The following DLX5 variants were observed in gnomAD, a reference collection of about 807,000 sequenced individuals.
DLX5 encodes homeobox protein DLX-5.
In DLX5, 8 loss-of-function variants were observed where a neutral mutation model predicts 27.1. That is an observed-to-expected ratio of 0.30 (90% CI 0.17 to 0.53). DLX5 has a LOEUF of 0.53. DLX5 is among the 20% of genes least tolerant of loss of function. The pLI is 0.95. For synonymous variants in DLX5, 178 were observed against 161.9 expected, an observed-to-expected ratio of 1.10 and a Z score of -0.75; for missense variants, 339 against 375.1, an observed-to-expected ratio of 0.90 and a Z score of 0.80.
chr7:97,022,512 C>T, intron 1 of DLX5, 143 bp from the exon 2 acceptor site: 1 of 1,480,752 alleles, frequency 6.8e-7, no homozygotes, highest in Non-Finnish European at 8.9e-7. Flanking sequence ...CTTTTCAGGA[C>T]CGCGATAAAT....
intron 2 of DLX5, among the ~76,000 whole-genome samples, chr7:97,021,684 C>A (rs1790063556): frequency 6.6e-6 from 1 of 152,172 alleles, no homozygotes; most frequent in Admixed American, 6.5e-5. Context: ...TAGCGCCCCC[C>A]ACCTCGCGAC....
chr7:97,020,468 G>A lies in DLX5; in HGVS notation c.*268C>T, dbSNP rs1790016547. The A allele has an allele frequency of 9.3e-6, 3 of 323,946 alleles. No homozygotes were observed. The highest frequency in any genetic ancestry group is 1.7e-5 in the Non-Finnish European group (3 of 178,234). 20.1% of individuals were successfully genotyped at this position (323,946 alleles called of 1,614,324 possible). A position where few individuals can be genotyped will look rare whatever the true frequency, so the allele number is the denominator to read the frequency against. On this transcript the variant is annotated 3_prime_UTR_variant, in exon 3 of 3. Transcript: ENST00000648378. Reference sequence around the variant, plus strand: ...TCCTCTATCTACACTTATTTACATGGCTAAAATAACATTGAAAAAAGTCTT... The same window carrying A: ...TCCTCTATCTACACTTATTTACATGACTAAAATAACATTGAAAAAAGTCTT...
In DLX5 at chr7:97,020,646, A is replaced by C. The variant is rs1487883418; in HGVS notation, c.*90T>G. ...CACATGAATCTTTTTCAGTTTTCCG[A>C]ACTTCCCCATATGAATTCCTTTCTT... On this transcript the variant is annotated 3_prime_UTR_variant, in exon 3 of 3. Coordinates refer to ENST00000648378, the MANE Select transcript of DLX5 (RefSeq NM_005221.6). 6.2e-6 allele frequency: 8 copies of C among 1,296,882 alleles called. No homozygotes were observed. The highest frequency in any genetic ancestry group is 1.0e-6 in the Non-Finnish European group (1 of 971,052). The allele number at this position is 1,296,882 out of a possible 1,614,324, so 80.3% of individuals were successfully genotyped here.
intron 2 of DLX5, 153 bp downstream of exon 2, chr7:97,022,032 T>C: frequency 1.2e-6 from 1 of 865,288 alleles, no homozygotes; most frequent in Non-Finnish European, 1.8e-6. Context: ...AAGGCCTGAC[T>C]CACCGAGTTA....
chr7:97,022,550 G>A (rs150240386), intron 1 of DLX5, 181 bp from the exon 2 acceptor site: 8 of 985,410 alleles, frequency 8.1e-6, no homozygotes, highest in Non-Finnish European at 9.6e-6. Flanking sequence ...ATGGAAAAGC[G>A]GGATAGCCTC....
chr7:97,020,606 CAAAA>C lies in DLX5; in HGVS notation c.*126_*129del, dbSNP rs888394234. On this transcript the variant is annotated 3_prime_UTR_variant, in exon 3 of 3. Transcript: ENST00000648378. Reference sequence around the variant, plus strand: ...CTTTTGAAATGCAATAACTTACATGCAAAAAAAAGCTTTACACATGAATCTTTTT... The same window carrying C: ...CTTTTGAAATGCAATAACTTACATGCAAAAGCTTTACACATGAATCTTTTT... 7 of 969,960 alleles carry C rather than the reference CAAAA, an allele frequency of 7.2e-6. No homozygotes were observed. Among genetic ancestry groups the C allele is most frequent in the Non-Finnish European group, 8.4e-6 (6 of 711,076 alleles). The allele number at this position is 969,960 out of a possible 1,614,324, so 60.1% of individuals were successfully genotyped here. A position where few individuals can be genotyped will look rare whatever the true frequency, so the allele number is the denominator to read the frequency against.
In DLX5 at chr7:97,024,400, T is replaced by C. The variant is rs1292811136; in HGVS notation, c.224A>G (p.Tyr75Cys). Residue 75 changes from tyrosine to cysteine, a missense_variant, in exon 1 of 3, where the codon TAT becomes TGT. By Grantham distance (194) the Tyr-to-Cys change is radical. Transcript: ENST00000648378. This position sits in a 1 kb window ranked among gnomAD's most constrained non-coding sequence, Gnocchi z 4.6. ...SYGKALNPYQ[Y>C]QYHGVNGSAG... ...GGAGCCGTTCACGCCGTGATACTGA[T>C]ACTGGTAGGGGTTGAGAGCTTTGCC... is the stretch of plus-strand genomic sequence containing the variant. 4 of 1,614,206 alleles carry C rather than the reference T, an allele frequency of 2.5e-6. No homozygotes were observed. The highest frequency in any genetic ancestry group is 1.1e-5 in the South Asian group (1 of 91,088).
At chr7:97,022,745 TC>T in intron 1 of DLX5, 2 of 258,708 alleles carry the variant, frequency 7.7e-6, no homozygotes, top group Non-Finnish European at 1.2e-5. Flanking sequence ...CACCAGCCCC[TC>T]CCCAGGCTTC....
chr7:97,020,580 T>G lies in DLX5; in HGVS notation c.*156A>C. ...AAGTCCTCTGTAAAAAAAGGGGGGG[T>G]CTTTTGAAATGCAATAACTTACATG... On this transcript the variant is annotated 3_prime_UTR_variant, in exon 3 of 3. Coordinates refer to ENST00000648378, the MANE Select transcript of DLX5 (RefSeq NM_005221.6). The G allele has an allele frequency of 8.8e-6, 6 of 680,096 alleles. No homozygotes were observed. Among genetic ancestry groups the G allele is most frequent in the Admixed American group, 3.7e-5 (1 of 26,668 alleles). 42.1% of individuals were successfully genotyped at this position (680,096 alleles called of 1,614,324 possible).
chr7:97,024,646 C>T lies in DLX5; in HGVS notation c.-23G>A, dbSNP rs1790145398. On this transcript the variant is annotated 5_prime_UTR_variant, in exon 1 of 3. Coordinates refer to ENST00000648378, the MANE Select transcript of DLX5 (RefSeq NM_005221.6). The surrounding 1 kb of genome is among the most constrained non-coding windows in gnomAD (Gnocchi z 4.6). Reference sequence around the variant, plus strand: ...CATCGCTCACGGGCGGCGGCAGCGGCTGTCCTTGCTGTTGTGGCGGCGGCA... The same window carrying T: ...CATCGCTCACGGGCGGCGGCAGCGGTTGTCCTTGCTGTTGTGGCGGCGGCA... 1.9e-6 allele frequency: 3 copies of T among 1,565,272 alleles called. No homozygotes were observed. Among genetic ancestry groups the T allele is most frequent in the East Asian group, 4.5e-5 (2 of 44,346 alleles).
rs1457705916 is a variant in DLX5 at position 97,024,534 on chromosome 7, C to A, written c.90G>T (p.Pro30=). 6.2e-7 allele frequency: 1 copy of A among 1,614,200 alleles called. No individual in the cohort carries two copies. Among genetic ancestry groups the A allele is most frequent in the Non-Finnish European group, 8.5e-7 (1 of 1,180,042 alleles). ...CGGGCAAAGTTGGCGATTCCTGAGA[C>A]GGATGGTGCATAGCTGCGGACGTCT... is the stretch of plus-strand genomic sequence containing the variant. ...PFQTSAAMHH[P]SQESPTLPES... The change falls in exon 1 of 3, where the codon CCG becomes CCT. Residue 30 remains proline (P), a synonymous_variant. Coordinates refer to ENST00000648378, the MANE Select transcript of DLX5 (RefSeq NM_005221.6). The surrounding 1 kb of genome is among the most constrained non-coding windows in gnomAD (Gnocchi z 4.6).
chr7:97,024,374 C>CG lies in DLX5; in HGVS notation c.249dup (p.Ala84ArgfsTer13). The stretch of plus-strand genomic sequence containing the variant: ...TAAGCTTTGGCTGGGTAGCTCCCGG[C>CG]GGAGCCGTTCACGCCGTGATACTGA... On this transcript the variant is annotated frameshift_variant, in exon 1 of 3. Coordinates refer to ENST00000648378, the MANE Select transcript of DLX5 (RefSeq NM_005221.6). LOFTEE classifies it high-confidence loss of function. This position sits in a 1 kb window ranked among gnomAD's most constrained non-coding sequence, Gnocchi z 4.6. 1 of 1,614,216 alleles carries CG rather than the reference C, an allele frequency of 6.2e-7. No homozygotes were observed.
rs1418047352 is a variant in DLX5 at position 97,020,969 on chromosome 7, T to C, written c.637A>G (p.Met213Val). The C allele has an allele frequency of 3.1e-6, 5 of 1,613,940 alleles. No individual in the cohort carries two copies. The highest frequency in any genetic ancestry group is 3.4e-6 in the Non-Finnish European group (4 of 1,180,052). Residue 213 changes from methionine to valine, a missense_variant, in exon 3 of 3, where the codon ATG (methionine) becomes GTG (valine). Physicochemically the swap from Met to Val is conservative, Grantham distance 21 (BLOSUM62 1). Around this residue, in one of 3 missense-constraint regions of DLX5, gnomAD observed 136 missense variants for 130.3 expected, o/e 1.04. Coordinates refer to ENST00000648378, the MANE Select transcript of DLX5 (RefSeq NM_005221.6). ...GGAGACTGCGGCGAGTTACACGCCA[T>C]TGGGTCGCTGGAGCTGGGACTGTGC... is the stretch of plus-strand genomic sequence containing the variant. ...PEHSPSSSDP[M>V]ACNSPQSPAV...
chr7:97,023,741 T>C (rs1790125459), intron 1 of DLX5, among the ~76,000 whole-genome samples: 1 of 152,090 alleles, frequency 6.6e-6, no homozygotes, highest in African/African-American at 2.4e-5. Context: ...CGCGCTCTTC[T>C]CTGGCTGGCT....
Position 97,024,758 on chromosome 7 carries a change from AAGG to A in DLX5, c.-138_-136del, listed in dbSNP as rs1790148106. 1.3e-6 allele frequency: 1 copy of A among 781,996 alleles called. No homozygotes were observed. Among genetic ancestry groups the A allele is most frequent in the Admixed American group, 2.8e-5 (1 of 35,408 alleles). The allele number at this position is 781,996 out of a possible 1,614,324, so 48.4% of individuals were successfully genotyped here. ...AGGAGGAGGAAGAGGAGGAGGAGAGAAGGAGGAGGCGGCGGCCGCGGCGAGGAG... is the reference window on the plus strand; with the variant it reads ...AGGAGGAGGAAGAGGAGGAGGAGAGAAGGAGGCGGCGGCCGCGGCGAGGAG... On this transcript the variant is annotated 5_prime_UTR_variant, in exon 1 of 3. Transcript: ENST00000648378. The surrounding 1 kb of genome is among the most constrained non-coding windows in gnomAD (Gnocchi z 4.6).
At position 97,024,750 on chromosome 7, in the gene DLX5, GAGGAGAGA is replaced by G; in HGVS notation, c.-135_-128del. 1.2e-6 allele frequency: 1 copy of G among 837,674 alleles called. No individual in the cohort carries two copies. The highest frequency in any genetic ancestry group is 1.8e-5 in the South Asian group (1 of 55,328). 51.9% of individuals were successfully genotyped at this position (837,674 alleles called of 1,614,324 possible). The stretch of plus-strand genomic sequence containing the variant: ...AGCGAGGGAGGAGGAGGAAGAGGAG[GAGGAGAGA>G]AGGAGGAGGCGGCGGCCGCGGCGAG... On this transcript the variant is annotated 5_prime_UTR_variant, in exon 1 of 3. Coordinates refer to ENST00000648378, the MANE Select transcript of DLX5 (RefSeq NM_005221.6). This position sits in a 1 kb window ranked among gnomAD's most constrained non-coding sequence, Gnocchi z 4.6.
In DLX5 at chr7:97,020,648, C is replaced by T. The variant is rs977110173; in HGVS notation, c.*88G>A. On this transcript the variant is annotated 3_prime_UTR_variant, in exon 3 of 3. Transcript: ENST00000648378. Reference sequence around the variant, plus strand: ...CATGAATCTTTTTCAGTTTTCCGAACTTCCCCATATGAATTCCTTTCTTTA... The same window carrying T: ...CATGAATCTTTTTCAGTTTTCCGAATTTCCCCATATGAATTCCTTTCTTTA... The T allele has an allele frequency of 5.4e-6, 7 of 1,301,726 alleles. No individual in the cohort carries two copies. The African/African-American group carries it at 1.0e-4, about 19-fold the overall frequency. The allele number at this position is 1,301,726 out of a possible 1,614,324, so 80.6% of individuals were successfully genotyped here. A position where few individuals can be genotyped will look rare whatever the true frequency, so the allele number is the denominator to read the frequency against.
At position 97,020,946 on chromosome 7, in the gene DLX5, A is replaced by C; in HGVS notation, c.660T>G (p.Ser220=). 10 of 1,614,024 alleles carry C rather than the reference A, an allele frequency of 6.2e-6. No individual in the cohort carries two copies. The highest frequency in any genetic ancestry group is 8.5e-6 in the Non-Finnish European group (10 of 1,180,046). ...SDPMACNSPQ[S]PAVWEPQGSS... is the part of the protein sequence containing the mutation. ...AGCCCTGGGGCTCCCACACCGCTGG[A>C]GACTGCGGCGAGTTACACGCCATTG... The change falls in exon 3 of 3, where the codon TCT becomes TCG. Residue 220 remains serine (S), a synonymous_variant. Coordinates refer to ENST00000648378, the MANE Select transcript of DLX5 (RefSeq NM_005221.6).
intron 1 of DLX5, among the ~76,000 whole-genome samples, chr7:97,023,512 C>G (rs1215292029): frequency 6.6e-6 from 1 of 152,026 alleles, no homozygotes; most frequent in African/African-American, 2.4e-5. Context: ...CTCCGCCGAG[C>G]CTCATGCCTT....
Sources: allele counts gnomAD v4.1 joint callset (sites outside exome capture counted in the v4.1 genomes callset), GRCh38; gene constraint gnomAD v4.1.1; regional missense constraint gnomAD v4.1.1; non-coding constraint Gnocchi (gnomAD v3.1); transcripts MANE v1.5; gene names NCBI Gene and HGNC (gene_info 2026-07-23, HGNC 2026-07-21).